Variants in ZNF324B observed in about 807,000 individuals in gnomAD.
ZNF324B encodes zinc finger protein 324B.
A neutral mutation model predicts 10.6 loss-of-function variants in ZNF324B; 7 were observed. The ratio of observed to expected loss-of-function variants is 0.66; its 90% CI spans 0.38 to 1.24. The LOEUF is 1.24. Among genes scored for constraint, ZNF324B ranks in the 50% most tolerant of loss-of-function variants. The pLI is 0.02. For missense variants in ZNF324B, 640 were observed against 764.7 expected, an observed-to-expected ratio of 0.84 and a Z score of 1.92; for synonymous variants, 316 against 321.0, an observed-to-expected ratio of 0.98 and a Z score of 0.17.
At chr19:58,439,454 C>T in the ZNF324B span, among the ~76,000 whole-genome samples, 7 of 152,214 alleles carry the variant, frequency 4.6e-5, no homozygotes, top group Admixed American at 1.3e-4. Flanking sequence ...AAATGGAGAC[C>T]GGCAGTCCCC....
the ZNF324B span, chr19:58,433,581 G>A: frequency 6.2e-7 from 1 of 1,614,236 alleles, no homozygotes; most frequent in Non-Finnish European, 8.5e-7. Context: ...TTTCTCCAGT[G>A]TGAACTCTCC....
chr19:58,445,065 T>A, the ZNF324B span: 1 of 249,336 alleles, frequency 4.0e-6, no homozygotes, highest in East Asian at 1.6e-4. Flanking sequence ...GCTGTCCTGG[T>A]GGCTTCCCTG....
At chr19:58,450,517 T>G (rs1289188213), upstream of ZNF324B, among the ~76,000 whole-genome samples, 1 of 151,158 alleles carries the variant, frequency 6.6e-6, no homozygotes, top group African/African-American at 2.4e-5. Context: ...TAATAATGCC[T>G]CTAAGCATTT....
chr19:58,433,263 T>C, the ZNF324B span: 100 of 1,529,162 alleles, frequency 6.5e-5, no homozygotes, highest in African/African-American at 1.3e-3. Flanking sequence ...GGGATTCTGC[T>C]GCATGAAGTT....
chr19:58,437,224 GAAAC>G, the ZNF324B span: 36 of 1,577,164 alleles, frequency 2.3e-5, no homozygotes, highest in Admixed American at 7.5e-5. Flanking sequence ...TGCTGACAAA[GAAAC>G]AAACAATTGG....
At chr19:58,445,168 A>G in the ZNF324B span, 1 of 290,294 alleles carries the variant, frequency 3.4e-6, no homozygotes, top group Non-Finnish European at 6.6e-6. Flanking sequence ...TACAAATGCA[A>G]TAACTACATG....
chr19:58,433,710 T>A, the ZNF324B span: 3 of 1,612,572 alleles, frequency 1.9e-6, no homozygotes, highest in Middle Eastern at 5.0e-4. Context: ...GGCTAAAGAA[T>A]TTCCCACATT....
chr19:58,425,094 A>G, the ZNF324B span, among the ~76,000 whole-genome samples: 1 of 152,106 alleles, frequency 6.6e-6, no homozygotes, highest in African/African-American at 2.4e-5. Context: ...CTCTACTAAA[A>G]ATACAAAAAA....
At chr19:58,445,405 T>A in the ZNF324B span, 3 of 518,770 alleles carry the variant, frequency 5.8e-6, no homozygotes, top group Non-Finnish European at 1.2e-5. Context: ...GCAGCCAGCA[T>A]GGGAGAGCAT....
chr19:58,439,702 C>G, the ZNF324B span: 1 of 1,479,320 alleles, frequency 6.8e-7, no homozygotes, highest in Admixed American at 2.6e-5. Context: ...ATCTGGGCTT[C>G]AGGATCCTGA....
chr19:58,440,409 G>A, the ZNF324B span: 1 of 154,374 alleles, frequency 6.5e-6, no homozygotes, highest in South Asian at 1.7e-4. Flanking sequence ...GGCACTTCCG[G>A]GCGGAGTGTA....
chr19:58,442,691 C>T, the ZNF324B span: 1 of 152,380 alleles, frequency 6.6e-6, no homozygotes, highest in African/African-American at 2.4e-5. Context: ...AGGAGTGAAG[C>T]TGCAGACCTT....
At chr19:58,436,873 T>A in the ZNF324B span, 1 of 900,758 alleles carries the variant, frequency 1.1e-6, no homozygotes, top group Non-Finnish European at 1.8e-6. Flanking sequence ...ATGAGGCTGC[T>A]CAGAGAGAGA....
chr19:58,438,773 A>ATT, the ZNF324B span, among the ~76,000 whole-genome samples: 7 of 106,460 alleles, frequency 6.6e-5, no homozygotes, highest in Non-Finnish European at 3.9e-5. Flanking sequence ...ACGCCCGGCA[A>ATT]TTTTTTTTTT....
At chr19:58,451,472 G>A (rs1348632362), upstream of ZNF324B, 4 of 350,670 alleles carry the variant, frequency 1.1e-5, no homozygotes, top group Middle Eastern at 3.8e-4. Context: ...GCGCGGCGGC[G>A]CTTAGCCGTT....
intron 1 of ZNF324B, chr19:58,452,163 G>A (rs11671005): frequency 0.22 from 34,080 of 155,372 alleles, 4,048 homozygotes; most frequent in Middle Eastern, 0.3. Flanking sequence ...GCAGCCAGGG[G>A]GCTGAGGTCC....
At chr19:58,428,238 C>T in the ZNF324B span, among the ~76,000 whole-genome samples, 3 of 152,176 alleles carry the variant, frequency 2.0e-5, no homozygotes, top group South Asian at 2.1e-4. Context: ...AGAGGATTTC[C>T]GGTCTTTTCT....
chr19:58,430,814 A>G, the ZNF324B span: 11 of 152,228 alleles, frequency 7.2e-5, no homozygotes, highest in African/African-American at 1.4e-4. Context: ...ATGTCTTCCC[A>G]TAGCCACTGC....
the ZNF324B span, chr19:58,419,328 G>T: frequency 6.6e-6 from 1 of 152,208 alleles, no homozygotes; most frequent in African/African-American, 2.4e-5. Flanking sequence ...GAACATGGAG[G>T]TAAGTTATAG....
Sources: gnomAD v4.1 joint callset for allele counts (sites outside exome capture counted in the v4.1 genomes callset) on GRCh38, gnomAD v4.1.1 for gene constraint, MANE v1.5 for transcripts, NCBI Gene and HGNC (gene_info 2026-07-23, HGNC 2026-07-21) for gene names.